The following CDKL1 variants were observed in gnomAD, a reference collection of about 807,000 sequenced individuals.
The protein encoded by CDKL1 is cyclin-dependent kinase-like 1.
CDKL1 carries 41 observed loss-of-function variants against 42.0 expected under a neutral mutation model. That is an observed-to-expected ratio of 0.98 (90% CI 0.76 to 1.27). The LOEUF (loss-of-function observed/expected upper bound fraction) is 1.27, where lower values mean the gene tolerates loss of function less well. CDKL1 is among the 50% of genes most tolerant of loss of function. CDKL1 has a pLI of 0.00. For synonymous variants in CDKL1, 153 were observed against 158.6 expected (o/e 0.96, Z 0.26); for missense variants, 394 against 428.4 (o/e 0.92, Z 0.71).
chr14:50,385,310 A>G (rs1185560967), intron 2 of CDKL1, among the ~76,000 whole-genome samples: 3 of 152,206 alleles, frequency 2.0e-5, no homozygotes, highest in Admixed American at 2.0e-4. Flanking sequence ...GCTAGTGTGA[A>G]GAACACAGCT....
intron 3 of CDKL1, among the ~76,000 whole-genome samples, chr14:50,350,501 C>T (rs986569073): frequency 6.6e-6 from 1 of 152,164 alleles, no homozygotes; most frequent in Non-Finnish European, 1.5e-5. Flanking sequence ...TCTCCTGGGC[C>T]TGGTTCTTCT....
rs2035392159 is a variant in CDKL1 at position 50,396,050 on chromosome 14, G to A, written c.-182C>T. ...AGATACAAAAAATTAGCCGGGTGTG[G>A]TGATGGGCGCCCGTAGTCCCAGCAA... On this transcript the variant is annotated 5_prime_UTR_variant, in exon 2 of 10. Coordinates refer to ENST00000395834, the MANE Select transcript of CDKL1 (RefSeq NM_004196.7). 4 of 1,049,588 alleles carry A rather than the reference G, an allele frequency of 3.8e-6. No individual in the cohort carries two copies. Among genetic ancestry groups the A allele is most frequent in the East Asian group, 3.2e-5 (1 of 31,032 alleles). 65.0% of individuals were successfully genotyped at this position (1,049,588 alleles called of 1,614,324 possible).
intron 2 of CDKL1, among the ~76,000 whole-genome samples, chr14:50,367,137 C>T (rs930690512): frequency 6.6e-6 from 1 of 152,134 alleles, no homozygotes; most frequent in Non-Finnish European, 1.5e-5. Context: ...AAGAAAGCCC[C>T]TTAAGATGAG....
At chr14:50,389,395 C>T (rs778944969) in intron 2 of CDKL1, among the ~76,000 whole-genome samples, 15 of 152,184 alleles carry the variant, frequency 9.9e-5, no homozygotes, top group Non-Finnish European at 1.5e-4. Flanking sequence ...TAATCACTTA[C>T]CAATGAAATT....
At chr14:50,378,737 A>G (rs1840649857) in intron 2 of CDKL1, among the ~76,000 whole-genome samples, 1 of 152,036 alleles carries the variant, frequency 6.6e-6, no homozygotes, top group South Asian at 2.1e-4. Flanking sequence ...GGGTCTTACC[A>G]TCTTGCTCAG....
chr14:50,330,985 A>C (rs2032907711), intron 9 of CDKL1: 1 of 152,334 alleles, frequency 6.6e-6, no homozygotes, highest in Admixed American at 6.5e-5. Flanking sequence ...CTGTAATCCC[A>C]GCACTTTGGG....
In CDKL1 at chr14:50,345,018, G is replaced by C. The variant is rs1010755627; in HGVS notation, c.331C>G (p.Leu111Val). 1.2e-6 allele frequency: 2 copies of C among 1,613,972 alleles called. No individual in the cohort carries two copies. The highest frequency in any genetic ancestry group is 2.7e-5 in the African/African-American group (2 of 74,928). The change falls in exon 4 of 10, where the codon CTG (leucine) becomes GTG (valine). Residue 111 changes from leucine to valine, a missense_variant. Physicochemically the swap from Leu to Val is conservative, Grantham distance 32. Transcript: ENST00000395834. ...TTATGGCAAAAATTTACAGCTTGCA[G>C]TGTCTGCCAAGTTATGCTCTTCACG... ...HLVKSITWQT[L>V]QAVNFCHKHN...
chr14:50,374,672 G>C (rs574947028), intron 2 of CDKL1, among the ~76,000 whole-genome samples: 1 of 152,152 alleles, frequency 6.6e-6, no homozygotes, highest in Admixed American at 6.5e-5. Flanking sequence ...GCTTAATAAA[G>C]ATACAGATGA....
chr14:50,343,927 C>T (rs1374743874), intron 4 of CDKL1, among the ~76,000 whole-genome samples: 3 of 152,206 alleles, frequency 2.0e-5, no homozygotes, highest in Non-Finnish European at 4.4e-5. Context: ...TTCCTCCTTC[C>T]GGGAATGCAG....
chr14:50,344,165 A>G (rs2033648754), intron 4 of CDKL1, among the ~76,000 whole-genome samples: 1 of 152,196 alleles, frequency 6.6e-6, no homozygotes, highest in African/African-American at 2.4e-5. Context: ...GCAATAGTCT[A>G]CTATGCCTCT....
chr14:50,396,285 G>GA lies in CDKL1; in HGVS notation c.-418_-417insT. On this transcript the variant is annotated 5_prime_UTR_variant, in exon 2 of 10. Transcript: ENST00000395834. Reference sequence around the variant, plus strand: ...TCGCTTATAAAATATTGGCACCAACGGACTGCACTAGAGCCCCACCCAACG... The same window carrying GA: ...TCGCTTATAAAATATTGGCACCAACGAGACTGCACTAGAGCCCCACCCAACG... 3 of 1,024,892 alleles carry GA rather than the reference G, an allele frequency of 2.9e-6. No homozygotes were observed. The highest frequency in any genetic ancestry group is 7.4e-5 in the South Asian group (2 of 26,962). 63.5% of individuals were successfully genotyped at this position (1,024,892 alleles called of 1,614,324 possible). A position where few individuals can be genotyped will look rare whatever the true frequency, so the allele number is the denominator to read the frequency against.
intron 2 of CDKL1, chr14:50,390,094 A>C (rs1489883126): frequency 1.6e-6 from 2 of 1,212,286 alleles, no homozygotes; most frequent in African/African-American, 3.1e-5. Flanking sequence ...GATACTTGGC[A>C]GTTTGTCCAA....
chr14:50,331,984 C>G (rs1157123770), intron 9 of CDKL1: 1 of 1,490,874 alleles, frequency 6.7e-7, no homozygotes, highest in African/African-American at 1.4e-5. Flanking sequence ...TAGCTGGACT[C>G]ATACTCATGT....
At chr14:50,344,472 T>TGG (rs2033662753) in intron 4 of CDKL1, among the ~76,000 whole-genome samples, 1 of 146,674 alleles carries the variant, frequency 6.8e-6, no homozygotes, top group Non-Finnish European at 1.5e-5. Flanking sequence ...TTTGTGGTTT[T>TGG]TTTTTTTTTT....
At chr14:50,378,537 CTTTTAT>C in intron 2 of CDKL1, 2 of 949,622 alleles carry the variant, frequency 2.1e-6, no homozygotes, top group Non-Finnish European at 2.8e-6. Context: ...TTAAATTTTA[CTTTTAT>C]TTTTTATAGA....
At chr14:50,390,232 C>A (rs778653229) in intron 2 of CDKL1, 3 of 1,365,078 alleles carry the variant, frequency 2.2e-6, no homozygotes, top group Middle Eastern at 2.1e-4. Flanking sequence ...TGCTTTCAGC[C>A]CTTGACCAAT....
chr14:50,388,064 T>G (rs979072752), intron 2 of CDKL1, among the ~76,000 whole-genome samples: 4 of 152,160 alleles, frequency 2.6e-5, no homozygotes, highest in African/African-American at 7.2e-5. Flanking sequence ...ACCTGGCTAA[T>G]TTTTTGTATC....
chr14:50,336,350 T>A, intron 7 of CDKL1: 2 of 880,494 alleles, frequency 2.3e-6, no homozygotes, highest in Non-Finnish European at 3.0e-6. Flanking sequence ...CCTGGGTTAT[T>A]TCTGAGGCTT....
intron 2 of CDKL1, among the ~76,000 whole-genome samples, chr14:50,390,851 T>G (rs2035237124): frequency 6.6e-6 from 1 of 152,158 alleles, no homozygotes; most frequent in African/African-American, 2.4e-5. Flanking sequence ...TCTTTTTTTT[T>G]GAGACAGTGT....
Sources: allele counts gnomAD v4.1 joint callset (sites outside exome capture counted in the v4.1 genomes callset), GRCh38; gene constraint gnomAD v4.1.1; transcripts MANE v1.5; gene names NCBI Gene and HGNC (gene_info 2026-07-23, HGNC 2026-07-21).